Variants in ASTN2 observed in about 807,000 individuals in gnomAD.
The protein encoded by ASTN2 is astrotactin 2.
A neutral mutation model predicts 139.8 loss-of-function variants in ASTN2; 54 were observed. The observed-to-expected ratio is 0.39, with a 90% CI of 0.31 to 0.48. The LOEUF is 0.48. Ranked by LOEUF, ASTN2 falls within the 20% of genes least tolerant of loss-of-function variation. ASTN2 has a pLI of 0.95. For missense variants in ASTN2, 1,565 were observed against 1,725.1 expected, an observed-to-expected ratio of 0.91 and a Z score of 1.64; for synonymous variants, 756 against 719.5, an observed-to-expected ratio of 1.05 and a Z score of -0.81.
At chr9:117,188,083 C>T (rs1831248706) in intron 3 of ASTN2, among the ~76,000 whole-genome samples, 1 of 151,620 alleles carries the variant, frequency 6.6e-6, no homozygotes, top group South Asian at 2.1e-4. Context: ...CTGGCCTAAC[C>T]CCTCCCTAGT....
intron 10 of ASTN2, among the ~76,000 whole-genome samples, chr9:116,885,932 C>G (rs766491485): frequency 6.6e-6 from 1 of 152,160 alleles, no homozygotes; most frequent in Non-Finnish European, 1.5e-5. Context: ...CAGGTGTTAT[C>G]ACCAGGTTTA....
At chr9:116,455,231 C>T (rs920520301) in intron 20 of ASTN2, among the ~76,000 whole-genome samples, 9 of 151,670 alleles carry the variant, frequency 5.9e-5, no homozygotes, top group Admixed American at 3.9e-4. Context: ...CGTCTGTAAT[C>T]CCAGCTACTC....
At chr9:116,614,546 T>C (rs999767296) in intron 19 of ASTN2, among the ~76,000 whole-genome samples, 6 of 151,954 alleles carry the variant, frequency 3.9e-5, no homozygotes, top group African/African-American at 9.7e-5. Flanking sequence ...TGGAACACAA[T>C]AGAGCCCCCG....
intron 17 of ASTN2, among the ~76,000 whole-genome samples, chr9:116,631,567 G>A (rs1310847465): frequency 2.7e-5 from 3 of 112,462 alleles, no homozygotes; most frequent in Non-Finnish European, 5.7e-5. Context: ...CCTAGGAAGG[G>A]TAAGAGAGAG....
At chr9:117,009,232 A>C (rs1029523508) in intron 6 of ASTN2, among the ~76,000 whole-genome samples, 1 of 152,100 alleles carries the variant, frequency 6.6e-6, no homozygotes, top group Admixed American at 6.6e-5. Flanking sequence ...GATGGCTAAC[A>C]TTTCTTCTTG....
chr9:117,358,521 G>A (rs7020775), intron 1 of ASTN2, among the ~76,000 whole-genome samples: 6,137 of 152,168 alleles, frequency 0.04, 445 homozygotes, highest in African/African-American at 0.14. Context: ...AAAGGGGCCA[G>A]CATTAAACTG....
intron 10 of ASTN2, among the ~76,000 whole-genome samples, chr9:116,905,394 G>A (rs532435563): frequency 4.6e-4 from 70 of 152,138 alleles, no homozygotes; most frequent in African/African-American, 1.4e-3. Context: ...AGAAAGCAGC[G>A]TGTCCTGAAT....
Position 116,734,481 on chromosome 9 carries a change from G to A in ASTN2, c.2397-958C>T, listed in dbSNP as rs150132680. 7.7e-3 allele frequency among the ~76,000 whole-genome samples: 1,169 copies of A among 152,174 alleles called. 6 individuals carry two copies. The highest frequency in any genetic ancestry group is 0.02 in the South Asian group (94 of 4,780). On this transcript the variant is annotated intron_variant, in intron 13 of 22. Transcript: ENST00000313400. ...GCAGCCAGTTGGCACGGATGGTATC[G>A]AGGTCTTTTCCAAATTAAATATGAC...
intron 10 of ASTN2, among the ~76,000 whole-genome samples, chr9:116,884,531 G>C: frequency 6.6e-6 from 1 of 151,926 alleles, no homozygotes; most frequent in Middle Eastern, 3.2e-3. Context: ...AGGAATACCA[G>C]CCCATGGTAT....
chr9:116,932,151 T>C (rs1367824657), intron 10 of ASTN2, among the ~76,000 whole-genome samples: 1 of 152,022 alleles, frequency 6.6e-6, no homozygotes, highest in East Asian at 1.9e-4. Context: ...CATGACATGA[T>C]TGGATGCAGG....
intron 20 of ASTN2, among the ~76,000 whole-genome samples, chr9:116,466,581 A>C (rs1325074740): frequency 6.6e-6 from 1 of 152,170 alleles, no homozygotes; most frequent in Non-Finnish European, 1.5e-5. Context: ...TTCCTCAGAC[A>C]GAACATCCAG....
chr9:117,106,333 T>C (rs1587969738), intron 4 of ASTN2, among the ~76,000 whole-genome samples: 1 of 151,998 alleles, frequency 6.6e-6, no homozygotes, highest in Admixed American at 6.6e-5. Context: ...TTCAAGCTAT[T>C]CTTGTGCGTC....
chr9:117,250,778 G>A (rs764922372), intron 2 of ASTN2, among the ~76,000 whole-genome samples: 24 of 152,282 alleles, frequency 1.6e-4, no homozygotes, highest in Middle Eastern at 6.8e-3. Flanking sequence ...GCTTCAAATG[G>A]GGAAACACAG....
intron 3 of ASTN2, among the ~76,000 whole-genome samples, chr9:117,184,290 C>T (rs1277919817): frequency 1.3e-5 from 2 of 152,210 alleles, no homozygotes; most frequent in Admixed American, 6.5e-5. Flanking sequence ...AAGGACATAG[C>T]TGGAGCTGTG....
intron 16 of ASTN2, among the ~76,000 whole-genome samples, chr9:116,706,250 AG>A (rs1365025766): frequency 1.3e-5 from 2 of 152,182 alleles, no homozygotes; most frequent in African/African-American, 4.8e-5. Context: ...TCCCCTCAGA[AG>A]CCTACGCCAA....
intron 22 of ASTN2, among the ~76,000 whole-genome samples, chr9:116,431,768 G>A (rs909542455): frequency 4.6e-5 from 7 of 152,122 alleles, no homozygotes; most frequent in Non-Finnish European, 1.0e-4. Context: ...GAGTCTACAG[G>A]TGATAAAAAT....
chr9:116,581,976 T>G (rs1853970082), intron 19 of ASTN2: 1 of 152,180 alleles, frequency 6.6e-6, no homozygotes, highest in South Asian at 2.1e-4. Context: ...AAAACTACCT[T>G]TTGGGCAAAA....
intron 5 of ASTN2, among the ~76,000 whole-genome samples, chr9:117,060,348 A>C (rs866219448): frequency 1.9e-5 from 1 of 52,682 alleles, no homozygotes; most frequent in African/African-American, 1.0e-4. Context: ...GAAAGAGAGA[A>C]AGAAAGAAAG....
intron 3 of ASTN2, among the ~76,000 whole-genome samples, chr9:117,183,244 C>A (rs1445144546): frequency 2.0e-5 from 3 of 152,158 alleles, no homozygotes; most frequent in Non-Finnish European, 4.4e-5. Flanking sequence ...AGGGTCACGC[C>A]AGCACTTTCA....
Sources: allele counts gnomAD v4.1 joint callset (sites outside exome capture counted in the v4.1 genomes callset), GRCh38; gene constraint gnomAD v4.1.1; transcripts MANE v1.5; gene names NCBI Gene and HGNC (gene_info 2026-07-23, HGNC 2026-07-21).